Variants in PMS1 observed in about 807,000 individuals in gnomAD.
PMS1 encodes PMS1 homolog 1, mismatch repair system component, also known as PMS1 protein homolog 1.
A neutral mutation model predicts 93.1 loss-of-function variants in PMS1; 79 were observed. The ratio of observed to expected loss-of-function variants is 0.85; its 90% CI spans 0.71 to 1.02. The LOEUF (loss-of-function observed/expected upper bound fraction) is 1.02. Among genes scored for constraint, PMS1 ranks in the 50% least tolerant of loss-of-function variants. The probability of loss-of-function intolerance (pLI) is 0.00; values close to 1 mark genes in which losing one functional copy is unlikely to be tolerated. For synonymous variants in PMS1, 335 were observed against 363.4 expected (o/e 0.92, Z 0.89); for missense variants, 1,064 against 1,085.3 (o/e 0.98, Z 0.28).
At chr2:189,829,962 C>G (rs1302132981) in intron 5 of PMS1, among the ~76,000 whole-genome samples, 1 of 152,182 alleles carries the variant, frequency 6.6e-6, no homozygotes, top group Non-Finnish European at 1.5e-5. Flanking sequence ...ATTTTCAGCT[C>G]AGTGATTCTG....
intron 3 of PMS1, among the ~76,000 whole-genome samples, chr2:189,798,565 T>C (rs1005719184): frequency 2.0e-5 from 3 of 152,180 alleles, no homozygotes; most frequent in African/African-American, 7.2e-5. Flanking sequence ...GAGGGTTCAA[T>C]TGGGCATTGT....
chr2:189,828,387 T>G (rs2052636151), intron 5 of PMS1, among the ~76,000 whole-genome samples: 1 of 152,262 alleles, frequency 6.6e-6, no homozygotes, highest in Non-Finnish European at 1.5e-5. Context: ...TTGATCATTG[T>G]ATTATGTATA....
intron 3 of PMS1, among the ~76,000 whole-genome samples, chr2:189,800,677 G>T (rs958659727): frequency 2.0e-5 from 3 of 152,018 alleles, no homozygotes; most frequent in African/African-American, 7.3e-5. Context: ...TAGTAATTTG[G>T]TTATTTTATC....
intron 1 of PMS1, among the ~76,000 whole-genome samples, chr2:189,789,359 T>C (rs2048641029): frequency 1.3e-5 from 2 of 152,180 alleles, no homozygotes; most frequent in Admixed American, 6.5e-5. Context: ...GACAAATTGA[T>C]TTATGGAGGG....
chr2:189,830,483 C>T (rs1409035118), intron 5 of PMS1, among the ~76,000 whole-genome samples: 1 of 152,164 alleles, frequency 6.6e-6, no homozygotes, highest in Non-Finnish European at 1.5e-5. Context: ...AACCATTTCC[C>T]CTGTCCCCCC....
intron 3 of PMS1, among the ~76,000 whole-genome samples, chr2:189,799,587 A>G (rs2049693649): frequency 6.6e-6 from 1 of 152,178 alleles, no homozygotes; most frequent in Non-Finnish European, 1.5e-5. Flanking sequence ...TTTAGGTTTG[A>G]TTGTACCTGA....
At chr2:189,824,121 T>A (rs1274106490) in intron 5 of PMS1, among the ~76,000 whole-genome samples, 3 of 152,168 alleles carry the variant, frequency 2.0e-5, no homozygotes. Flanking sequence ...TGGTGGGACA[T>A]CTAAGGTACT....
intron 6 of PMS1, among the ~76,000 whole-genome samples, chr2:189,845,439 T>C (rs1019516659): frequency 8.5e-5 from 13 of 152,198 alleles, no homozygotes; most frequent in Non-Finnish European, 1.3e-4. Context: ...GACTATCTTA[T>C]GTAGTTTTTC....
Position 189,854,637 on chromosome 2 carries a change from A to T in PMS1, c.1365A>T (p.Lys455Asn). 6.2e-7 allele frequency: 1 copy of T among 1,614,004 alleles called. No individual in the cohort carries two copies. The highest frequency in any genetic ancestry group is 2.2e-5 in the East Asian group (1 of 44,836). The part of the protein sequence containing the change: ...SWENSQTEYS[K>N]TCFISSVKHT... Reference sequence around the variant, plus strand: ...AGAACTCTCAGACGGAATATAGTAAAACTTGTTTTATAAGTTCCGTTAAGC... The same window carrying T: ...AGAACTCTCAGACGGAATATAGTAATACTTGTTTTATAAGTTCCGTTAAGC... Residue 455 changes from lysine to asparagine, a missense_variant, in exon 9 of 13, where the codon AAA becomes AAT. By Grantham distance (94) the Lys-to-Asn change is moderately conservative. Coordinates refer to ENST00000441310, the MANE Select transcript of PMS1 (RefSeq NM_000534.5).
At chr2:189,792,688 A>AATATATATATATATATATATATAT (rs3067428) in intron 2 of PMS1, among the ~76,000 whole-genome samples, 15 of 127,254 alleles carry the variant, frequency 1.2e-4, no homozygotes, top group African/African-American at 3.8e-4. Flanking sequence ...TATGGACACA[A>AATATATATATATATATATATATAT]ATATATATAT....
intron 3 of PMS1, among the ~76,000 whole-genome samples, chr2:189,802,165 C>T (rs952751726): frequency 1.2e-4 from 19 of 152,178 alleles, no homozygotes; most frequent in Admixed American, 6.5e-5. Context: ...TTATCAAGCT[C>T]ATTATGCAGT....
At chr2:189,796,074 A>G (rs1352295144) in intron 3 of PMS1, 123 bp downstream of exon 3, 6 of 805,194 alleles carry the variant, frequency 7.5e-6, no homozygotes, top group Admixed American at 2.0e-5. Flanking sequence ...TATACATAAC[A>G]TAAGCCGGGC....
chr2:189,811,496 G>A (rs1475257507), intron 4 of PMS1, among the ~76,000 whole-genome samples: 1 of 152,148 alleles, frequency 6.6e-6, no homozygotes, highest in African/African-American at 2.4e-5. Context: ...TTAGGTGGCT[G>A]AGGCAGGAGA....
At position 189,867,804 on chromosome 2, in the gene PMS1, T is replaced by G; in HGVS notation, c.2348T>G (p.Phe783Cys). 6.4e-7 allele frequency: 1 copy of G among 1,574,678 alleles called. No homozygotes were observed. Among genetic ancestry groups the G allele is most frequent in the Non-Finnish European group, 8.7e-7 (1 of 1,144,322 alleles). The part of the protein sequence containing the change: ...EKPIMLTESL[F>C]NGSHYLDVLY... ...GGCCATAATTTCTTTTTCAGTCTTT[T>G]TAATGGATCTCATTATTTAGACGTT... is the stretch of plus-strand genomic sequence containing the variant. The change falls in exon 11 of 13, where the codon TTT (phenylalanine) becomes TGT (cysteine). Residue 783 changes from phenylalanine (F) to cysteine (C), a missense_variant. Physicochemically the swap from Phe to Cys is radical, Grantham distance 205. Coordinates refer to ENST00000441310, the MANE Select transcript of PMS1 (RefSeq NM_000534.5).
intron 4 of PMS1, 137 bp downstream of exon 4, chr2:189,805,891 T>G: frequency 1.9e-6 from 3 of 1,541,366 alleles, no homozygotes; most frequent in Non-Finnish European, 2.6e-6. Flanking sequence ...AACTTCCAAG[T>G]AAACATTCAG....
chr2:189,853,886 G>A (rs2055047769), intron 7 of PMS1, 53 bp from the exon 8 acceptor site: 32 of 1,160,914 alleles, frequency 2.8e-5, no homozygotes, highest in Non-Finnish European at 3.6e-5. Flanking sequence ...GGGTTTTATT[G>A]TACTTTTTAA....
chr2:189,799,378 A>G (rs943214372), intron 3 of PMS1, among the ~76,000 whole-genome samples: 1 of 152,166 alleles, frequency 6.6e-6, no homozygotes, highest in Non-Finnish European at 1.5e-5. Context: ...GAATTTTTAC[A>G]TATGTATACT....
chr2:189,832,944 T>C (rs2106377050), intron 5 of PMS1, among the ~76,000 whole-genome samples: 1 of 152,340 alleles, frequency 6.6e-6, no homozygotes, highest in East Asian at 1.9e-4. Flanking sequence ...TACTACTGTA[T>C]TGAACAGCTC....
At chr2:189,855,165 A>G in intron 9 of PMS1, 37 bp downstream of exon 9, 1 of 1,555,438 alleles carries the variant, frequency 6.4e-7, no homozygotes, top group South Asian at 1.1e-5. Flanking sequence ...TTGAATGTTC[A>G]GCTATTTCCA....
Sources: gnomAD v4.1 joint callset for allele counts (sites outside exome capture counted in the v4.1 genomes callset) on GRCh38, gnomAD v4.1.1 for gene constraint, MANE v1.5 for transcripts, NCBI Gene and HGNC (gene_info 2026-07-23, HGNC 2026-07-21) for gene names.